Variants in MCF2L observed in about 807,000 individuals in gnomAD.
MCF2L encodes the protein MCF.2 cell line derived transforming sequence like, also known as guanine nucleotide exchange factor DBS.
A neutral mutation model predicts 153.4 loss-of-function variants in MCF2L; 97 were observed. The observed-to-expected ratio is 0.63, with a 90% confidence interval of 0.54 to 0.75. The LOEUF (loss-of-function observed/expected upper bound fraction) is 0.75. MCF2L is among the 30% of genes least tolerant of loss of function. MCF2L has a pLI of 0.00. For synonymous variants in MCF2L, 659 were observed against 632.2 expected (o/e 1.04, Z -0.64); for missense variants, 1,347 against 1,495.2 (o/e 0.90, Z 1.64).
intron 2 of MCF2L, among the ~76,000 whole-genome samples, chr13:113,022,919 T>G (rs987119846): frequency 6.6e-6 from 1 of 152,182 alleles, no homozygotes; most frequent in African/African-American, 2.4e-5. Context: ...TGTGAGTGAG[T>G]GACAGGCACG....
intron 9 of MCF2L, among the ~76,000 whole-genome samples, chr13:113,073,029 CT>C (rs56397038): frequency 0.24 from 32,582 of 137,564 alleles, 3,663 homozygotes; most frequent in East Asian, 0.48. Flanking sequence ...TTTACTCCAG[CT>C]TTTTTTTTTT....
At chr13:113,095,993 C>T (rs1405277411) in intron 27 of MCF2L, 2 of 363,870 alleles carry the variant, frequency 5.5e-6, no homozygotes, top group Non-Finnish European at 4.9e-6. Flanking sequence ...GGGCAGAGGA[C>T]GGGCGAGTCG....
At chr13:113,013,919 T>C (rs889118958) in intron 1 of MCF2L, among the ~76,000 whole-genome samples, 3 of 150,136 alleles carry the variant, frequency 2.0e-5, no homozygotes, top group Admixed American at 2.0e-4. Flanking sequence ...TCCCGGCTGG[T>C]GCTGGCTCCA....
intron 7 of MCF2L, 79 bp downstream of exon 7, chr13:113,065,164 T>A: frequency 2.6e-6 from 4 of 1,514,246 alleles, no homozygotes; most frequent in African/African-American, 1.4e-5. Context: ...GGTCGGAAGC[T>A]GCGGGGGGTC....
chr13:112,900,320 C>T (rs1594294302), intron 1 of MCF2L, among the ~76,000 whole-genome samples: 1 of 152,226 alleles, frequency 6.6e-6, no homozygotes, highest in East Asian at 1.9e-4. Context: ...AAGCAGGTGC[C>T]CGGACAAGGT....
At chr13:113,078,273 C>A in intron 13 of MCF2L, 90 bp from the exon 14 acceptor site, 1 of 1,066,712 alleles carries the variant, frequency 9.4e-7, no homozygotes, top group Non-Finnish European at 1.4e-6. Flanking sequence ...GAGTCCTACC[C>A]TCTCCTCGGG....
At chr13:113,087,114 C>A in intron 21 of MCF2L, 121 bp from the exon 22 acceptor site, 1 of 817,838 alleles carries the variant, frequency 1.2e-6, no homozygotes, top group Non-Finnish European at 1.9e-6. Flanking sequence ...TCCTGGGACG[C>A]CCTGCAGCTG....
intron 1 of MCF2L, among the ~76,000 whole-genome samples, chr13:113,005,823 C>T (rs1489243710): frequency 6.6e-6 from 1 of 152,156 alleles, no homozygotes. Flanking sequence ...TGAACTATAT[C>T]AAAACAGCAC....
intron 1 of MCF2L, among the ~76,000 whole-genome samples, chr13:112,991,623 C>T (rs1035033679): frequency 6.6e-5 from 10 of 152,198 alleles, no homozygotes; most frequent in African/African-American, 2.4e-4. Context: ...AAGACAGACC[C>T]TCAAGATGAC....
Position 113,053,646 on chromosome 13 carries a change from C to T in MCF2L, c.370-6947C>T, listed in dbSNP as rs746474569. ...TCCCGTGGCTGAGGTGTCCACTGAC[C>T]GTTTCTGCCTGAATGGGTGGTTCGG... On this transcript the variant is annotated intron_variant, in intron 4 of 29. Transcript: ENST00000535094. This position sits in a 1 kb window ranked among gnomAD's most constrained non-coding sequence, Gnocchi z 4.4. 6.6e-6 allele frequency among the ~76,000 whole-genome samples: 1 copy of T among 152,140 alleles called. No homozygotes were observed. Among genetic ancestry groups the T allele is most frequent in the Non-Finnish European group, 1.5e-5 (1 of 68,022 alleles).
intron 2 of MCF2L, among the ~76,000 whole-genome samples, chr13:112,940,579 T>C (rs1210420699): frequency 1.3e-5 from 2 of 152,258 alleles, no homozygotes; most frequent in African/African-American, 2.4e-5. Flanking sequence ...ACAACTTCCA[T>C]TTTGACTTTG....
chr13:112,916,849 G>T (rs2081297573), intron 2 of MCF2L, among the ~76,000 whole-genome samples: 1 of 152,028 alleles, frequency 6.6e-6, no homozygotes, highest in Admixed American at 6.5e-5. Context: ...CTGCTTGACA[G>T]AGCTGAACCA....
chr13:113,018,410 A>G (rs1306383687), intron 2 of MCF2L, among the ~76,000 whole-genome samples: 1 of 152,186 alleles, frequency 6.6e-6, no homozygotes, highest in Non-Finnish European at 1.5e-5. Flanking sequence ...GGAACAAGGA[A>G]TTGGGTGTAA....
At chr13:113,025,851 G>A (rs1206054197) in intron 3 of MCF2L, among the ~76,000 whole-genome samples, 15 of 138,966 alleles carry the variant, frequency 1.1e-4, no homozygotes, top group African/African-American at 2.4e-4. Flanking sequence ...TTTCATCATG[G>A]TGGGGTCCCC....
At chr13:113,087,506 CG>C (rs1566875098) in intron 22 of MCF2L, 50 bp downstream of exon 22, 10 of 1,455,424 alleles carry the variant, frequency 6.9e-6, no homozygotes, top group African/African-American at 1.4e-5. Flanking sequence ...CAGACCCCGA[CG>C]GGGGAAGTCT....
rs1410456713 is a variant in MCF2L at position 112,983,779 on chromosome 13, C to T, written c.79+14321C>T. Among the ~76,000 whole-genome samples the T allele has an allele frequency of 3.9e-5, 6 of 152,204 alleles. No individual in the cohort carries two copies. The highest frequency in any genetic ancestry group is 7.3e-5 in the Non-Finnish European group (5 of 68,034). Reference sequence around the variant, plus strand: ...CCTTCTGCCTGGCTTCCTCCTCCTCCACCCGTCCACCTGTGTGTCTGGGTC... The same window carrying T: ...CCTTCTGCCTGGCTTCCTCCTCCTCTACCCGTCCACCTGTGTGTCTGGGTC... On this transcript the variant is annotated intron_variant, in intron 1 of 29. Coordinates refer to ENST00000535094, the MANE Select transcript of MCF2L (RefSeq NM_001112732.3). The surrounding 1 kb of genome is among the most constrained non-coding windows in gnomAD (Gnocchi z 4.0).
intron 2 of MCF2L, among the ~76,000 whole-genome samples, chr13:112,911,549 C>T (rs758195947): frequency 6.6e-6 from 1 of 152,260 alleles, no homozygotes. Flanking sequence ...TGAAACCCTC[C>T]CTCACTTCCA....
At position 113,092,069 on chromosome 13, in the gene MCF2L, G is replaced by C. The variant is rs533046528; in HGVS notation, c.2953+2341G>C. ...CCCGGCTTGCTGCTTCGAGGCCCCA[G>C]GAGTGCTTGGGAGAAGGGAGTCATT... On this transcript the variant is annotated intron_variant, in intron 26 of 29. Coordinates refer to ENST00000535094, the MANE Select transcript of MCF2L (RefSeq NM_001112732.3). 5.3e-5 allele frequency among the ~76,000 whole-genome samples: 8 copies of C among 152,212 alleles called. No individual in the cohort carries two copies. In the South Asian group the frequency reaches 1.7e-3, roughly 32 times the overall value.
intron 3 of MCF2L, chr13:113,041,026 A>C (rs2086452836): frequency 6.6e-6 from 1 of 152,218 alleles, no homozygotes; most frequent in African/African-American, 2.4e-5. Flanking sequence ...CATTGGCCTC[A>C]AACTCAGCTG....
Sources: allele counts gnomAD v4.1 joint callset (sites outside exome capture counted in the v4.1 genomes callset), GRCh38; gene constraint gnomAD v4.1.1; non-coding constraint Gnocchi (gnomAD v3.1); transcripts MANE v1.5; gene names NCBI Gene and HGNC (gene_info 2026-07-23, HGNC 2026-07-21).